CSMD1: variants seen among roughly 807,000 people sequenced by gnomAD.
The protein encoded by CSMD1 is CUB and Sushi multiple domains 1, also known as CUB and sushi domain-containing protein 1.
Under a neutral mutation model 417.5 loss-of-function variants are expected in CSMD1, and 213 were observed. That is an observed-to-expected ratio of 0.51 (90% confidence interval 0.46 to 0.57). The LOEUF is 0.57. CSMD1 is among the 20% of genes least tolerant of loss of function. The pLI is 0.00. For synonymous variants in CSMD1, 2,862 were observed against 1,736.8 expected, an observed-to-expected ratio of 1.65 and a Z score of -16.11; for missense variants, 6,923 against 4,529.7, an observed-to-expected ratio of 1.53 and a Z score of -15.17.
chr8:3,565,376 G>A (rs2116887893), intron 10 of CSMD1, among the ~76,000 whole-genome samples: 1 of 152,192 alleles, frequency 6.6e-6, no homozygotes, highest in African/African-American at 2.4e-5. Context: ...AGGTCTGATT[G>A]AATAATGGGG....
At chr8:4,366,154 C>A (rs915673453) in intron 3 of CSMD1, among the ~76,000 whole-genome samples, 3 of 152,060 alleles carry the variant, frequency 2.0e-5, no homozygotes, top group African/African-American at 7.2e-5. Context: ...GTTTCACTCC[C>A]GTTTATGAGA....
intron 42 of CSMD1, among the ~76,000 whole-genome samples, chr8:3,115,482 G>T (rs1025670728): frequency 6.6e-6 from 1 of 152,104 alleles, no homozygotes; most frequent in Middle Eastern, 3.2e-3. Context: ...GATTACAGGC[G>T]TGAGCCACTG....
At chr8:4,505,806 A>ATT (rs770475982) in intron 2 of CSMD1, among the ~76,000 whole-genome samples, 1 of 145,036 alleles carries the variant, frequency 6.9e-6, no homozygotes, top group East Asian at 2.0e-4. Flanking sequence ...CATGTTCAAT[A>ATT]TTTTTTTTTT....
At chr8:4,271,267 G>A (rs1403748773) in intron 3 of CSMD1, among the ~76,000 whole-genome samples, 2 of 152,162 alleles carry the variant, frequency 1.3e-5, no homozygotes, top group East Asian at 3.9e-4. Context: ...CCATGAAGCT[G>A]TAGGGGTTGG....
At chr8:4,297,183 C>A (rs749383098) in intron 3 of CSMD1, among the ~76,000 whole-genome samples, 1 of 152,000 alleles carries the variant, frequency 6.6e-6, no homozygotes, top group Non-Finnish European at 1.5e-5. Context: ...CTTTTACAAT[C>A]TAGAAATGTA....
At chr8:4,744,362 C>G (rs746777625) in intron 1 of CSMD1, among the ~76,000 whole-genome samples, 1 of 152,176 alleles carries the variant, frequency 6.6e-6, no homozygotes, top group Non-Finnish European at 1.5e-5. Flanking sequence ...CTTTCCATTT[C>G]AGTGTTTCGT....
chr8:3,622,571 G>C (rs956780123), intron 7 of CSMD1, among the ~76,000 whole-genome samples: 1 of 152,160 alleles, frequency 6.6e-6, no homozygotes, highest in Non-Finnish European at 1.5e-5. Context: ...ACTAAAAAAA[G>C]GTTACTTAGT....
At position 3,922,930 on chromosome 8, in the gene CSMD1, T is replaced by C. The variant is rs543564495; in HGVS notation, c.818+74973A>G. Among the ~76,000 whole-genome samples, 92 of 152,256 alleles carry C rather than the reference T, an allele frequency of 6.0e-4. No individual in the cohort carries two copies. In the South Asian group the frequency reaches 0.011, roughly 19 times the overall value. The stretch of plus-strand genomic sequence containing the variant: ...ATGAACACAAATAATGGTCAACAAA[T>C]ACCGAAACAGATTGTGTGAGCCCCT... On this transcript the variant is annotated intron_variant, in intron 5 of 69. Transcript: ENST00000635120.
chr8:4,041,248 A>T (rs972062556), intron 3 of CSMD1, among the ~76,000 whole-genome samples: 1 of 151,634 alleles, frequency 6.6e-6, no homozygotes, highest in Non-Finnish European at 1.5e-5. Context: ...CGATCTCCTG[A>T]CCTCGTGATC....
At chr8:3,648,484 G>C (rs2449201) in intron 7 of CSMD1, among the ~76,000 whole-genome samples, 61,521 of 152,036 alleles carry the variant, frequency 0.4, 12,941 homozygotes, top group Middle Eastern at 0.48. Context: ...CTCTAACACA[G>C]TGGAGTGACT....
intron 3 of CSMD1, among the ~76,000 whole-genome samples, chr8:4,136,154 G>A (rs1483201112): frequency 6.6e-6 from 1 of 152,140 alleles, no homozygotes; most frequent in Non-Finnish European, 1.5e-5. Context: ...TAACTATACT[G>A]TTTTCTTAGA....
intron 40 of CSMD1, among the ~76,000 whole-genome samples, chr8:3,143,801 G>C (rs935268949): frequency 6.6e-6 from 1 of 152,092 alleles, no homozygotes; most frequent in Non-Finnish European, 1.5e-5. Flanking sequence ...GAAAATTAAA[G>C]ATAACACCTA....
intron 11 of CSMD1, among the ~76,000 whole-genome samples, chr8:3,478,685 C>G (rs1343493506): frequency 6.6e-6 from 1 of 152,120 alleles, no homozygotes; most frequent in Non-Finnish European, 1.5e-5. Flanking sequence ...GCAACTGTGA[C>G]CCGTCTGACT....
intron 6 of CSMD1, among the ~76,000 whole-genome samples, chr8:3,719,665 G>A (rs536070359): frequency 6.6e-6 from 1 of 152,190 alleles, no homozygotes; most frequent in Non-Finnish European, 1.5e-5. Context: ...GATGAGCTTG[G>A]GGAAGTCCAG....
chr8:4,896,277 C>T (rs574501834), intron 1 of CSMD1, among the ~76,000 whole-genome samples: 2 of 152,120 alleles, frequency 1.3e-5, no homozygotes, highest in Non-Finnish European at 2.9e-5. Flanking sequence ...TTTTCCCTAG[C>T]ATATCGCTAA....
At position 4,183,110 on chromosome 8, in the gene CSMD1, C is replaced by A. The variant is rs374388136; in HGVS notation, c.416-151011G>T. ...ACAGCGACACCCTATATACAGAGATCATCTTTATGCAGTGATAATTTTATT... is the reference window on the plus strand; with the variant it reads ...ACAGCGACACCCTATATACAGAGATAATCTTTATGCAGTGATAATTTTATT... On this transcript the variant is annotated intron_variant, in intron 3 of 69. Transcript: ENST00000635120. Among the ~76,000 whole-genome samples, 8 of 152,106 alleles carry A rather than the reference C, an allele frequency of 5.3e-5. No homozygotes were observed. The South Asian group carries it at 8.3e-4, about 16-fold the overall frequency.
intron 1 of CSMD1, among the ~76,000 whole-genome samples, chr8:4,731,416 G>A (rs553024682): frequency 1.1e-4 from 16 of 152,224 alleles, no homozygotes; most frequent in African/African-American, 2.6e-4. Context: ...ATATTTTTCC[G>A]TATTGGAGTA....
intron 1 of CSMD1, among the ~76,000 whole-genome samples, chr8:4,819,048 G>A (rs1799371096): frequency 6.6e-6 from 1 of 152,222 alleles, no homozygotes. Flanking sequence ...GGAAGACACA[G>A]AATACCTGGA....
At chr8:4,773,778 T>C (rs1239066028) in intron 1 of CSMD1, among the ~76,000 whole-genome samples, 1 of 152,184 alleles carries the variant, frequency 6.6e-6, no homozygotes, top group Non-Finnish European at 1.5e-5. Context: ...AAGCAATTAA[T>C]ATTATCAATC....
Sources: gnomAD v4.1 joint callset for allele counts (sites outside exome capture counted in the v4.1 genomes callset) on GRCh38, gnomAD v4.1.1 for gene constraint, MANE v1.5 for transcripts, NCBI Gene and HGNC (gene_info 2026-07-23, HGNC 2026-07-21) for gene names.